TANGO2: variants seen among roughly 807,000 people sequenced by gnomAD.
TANGO2 encodes transport and Golgi organization protein 2 homolog.
Under a neutral mutation model 39.1 loss-of-function variants are expected in TANGO2, and 26 were observed. The ratio of observed to expected loss-of-function variants is 0.67; its 90% CI spans 0.49 to 0.92. The LOEUF (loss-of-function observed/expected upper bound fraction) is 0.92, where lower values mean the gene tolerates loss of function less well. Ranked by LOEUF, TANGO2 falls within the 40% of genes least tolerant of loss-of-function variation. The probability of loss-of-function intolerance (pLI) is 0.00; values close to 1 mark genes in which losing one functional copy is unlikely to be tolerated. For synonymous variants in TANGO2, 131 were observed against 144.5 expected, an observed-to-expected ratio of 0.91 and a Z score of 0.67; for missense variants, 326 against 360.1, an observed-to-expected ratio of 0.91 and a Z score of 0.77.
intron 5 of TANGO2, 109 bp from the exon 6 acceptor site, chr22:20,055,834 C>A: frequency 1.0e-6 from 1 of 989,022 alleles, no homozygotes; most frequent in South Asian, 1.4e-5. Context: ...CCGCAGCGGG[C>A]TACTGCGCAC....
chr22:20,037,487 C>T (rs181902882), intron 2 of TANGO2, among the ~76,000 whole-genome samples: 249 of 152,286 alleles, frequency 1.6e-3, no homozygotes, highest in Non-Finnish European at 2.7e-3. Flanking sequence ...TGCAACTGCT[C>T]GGGAAGTTTT....
intron 8 of TANGO2, among the ~76,000 whole-genome samples, chr22:20,064,265 A>T (rs982520385): frequency 2.0e-5 from 3 of 152,172 alleles, no homozygotes; most frequent in African/African-American, 7.2e-5. Context: ...GCCTTGGCTC[A>T]TGCTACACGG....
chr22:20,043,270 G>A, intron 2 of TANGO2, 85 bp from the exon 3 acceptor site: 1 of 1,002,450 alleles, frequency 1.0e-6, no homozygotes, highest in Non-Finnish European at 1.5e-6. Context: ...TGTTGCCACT[G>A]AGGCCAGTTT....
intron 6 of TANGO2, chr22:20,056,808 G>A: frequency 2.2e-6 from 1 of 456,636 alleles, no homozygotes; most frequent in Non-Finnish European, 4.4e-6. Context: ...GGGGACTGCT[G>A]GCTCACTCAC....
chr22:20,056,652 T>C, intron 6 of TANGO2: 1 of 456,658 alleles, frequency 2.2e-6, no homozygotes, highest in South Asian at 1.5e-5. Context: ...CTGGAGAGAA[T>C]GTGTCACATT....
At chr22:20,018,045 A>G (rs1470366229), upstream of TANGO2, among the ~76,000 whole-genome samples, 1 of 152,190 alleles carries the variant, frequency 6.6e-6, no homozygotes, top group African/African-American at 2.4e-5. Flanking sequence ...TTATCCACCC[A>G]TATTGGGAGT....
intron 1 of TANGO2, among the ~76,000 whole-genome samples, chr22:20,033,464 A>G (rs1317812233): frequency 6.6e-6 from 1 of 152,236 alleles, no homozygotes; most frequent in East Asian, 1.9e-4. Context: ...AACTGCCCTC[A>G]TCCATGGCCT....
chr22:20,049,088 G>A (rs1229472671), intron 3 of TANGO2, among the ~76,000 whole-genome samples: 1 of 152,070 alleles, frequency 6.6e-6, no homozygotes, highest in Non-Finnish European at 1.5e-5. Flanking sequence ...CCTAATTTTT[G>A]TTTTTATGTT....
chr22:20,036,943 AGGTGT>A, intron 2 of TANGO2, 89 bp downstream of exon 2: 1 of 1,613,764 alleles, frequency 6.2e-7, no homozygotes, highest in Non-Finnish European at 8.5e-7. Flanking sequence ...GTGTGCAGGA[AGGTGT>A]GTGGGCCAGG....
intron 3 of TANGO2, 53 bp downstream of exon 3, chr22:20,043,496 C>A (rs2044396132): frequency 5.4e-6 from 7 of 1,303,578 alleles, no homozygotes; most frequent in Non-Finnish European, 7.7e-6. Context: ...TTCCCTAGCC[C>A]CTGCGTGGCC....
chr22:20,052,587 A>C lies in TANGO2; in HGVS notation c.265+3A>C, dbSNP rs1242712767. ...GGACTGGCAGGCCCGAGGGCGAGGT[A>C]AGGCGAGTGGGGTGGGGCCAAGGTG... On this transcript the variant is annotated splice_donor_region_variant and intron_variant, in intron 4 of 8. Coordinates refer to ENST00000327374, the MANE Select transcript of TANGO2 (RefSeq NM_152906.7). 10 of 1,560,394 alleles carry C rather than the reference A, an allele frequency of 6.4e-6. No homozygotes were observed. The South Asian group carries it at 1.2e-4, about 18-fold the overall frequency.
At chr22:20,032,411 G>T (rs2042042628) in intron 1 of TANGO2, among the ~76,000 whole-genome samples, 1 of 152,276 alleles carries the variant, frequency 6.6e-6, no homozygotes, top group Non-Finnish European at 1.5e-5. Flanking sequence ...TCCTGCAGAT[G>T]TTCAGATGCT....
intron 1 of TANGO2, among the ~76,000 whole-genome samples, chr22:20,021,776 C>T (rs1368621918): frequency 6.6e-6 from 1 of 152,248 alleles, no homozygotes; most frequent in East Asian, 1.9e-4. Context: ...GCAGCCTGGG[C>T]TTTGCCCGTT....
At chr22:20,035,620 G>A (rs1226523563) in intron 1 of TANGO2, among the ~76,000 whole-genome samples, 2 of 152,204 alleles carry the variant, frequency 1.3e-5, no homozygotes, top group Admixed American at 6.5e-5. Context: ...TCCCCGGCAC[G>A]TGTCCATGCC....
intron 6 of TANGO2, chr22:20,056,593 T>A (rs532917175): frequency 5.3e-5 from 24 of 456,370 alleles, no homozygotes; most frequent in Non-Finnish European, 1.1e-4. Context: ...CCTTTCCCCC[T>A]CCTCGGGTGC....
At chr22:20,059,912 A>G (rs986028038) in intron 6 of TANGO2, among the ~76,000 whole-genome samples, 41 of 151,246 alleles carry the variant, frequency 2.7e-4, no homozygotes, top group African/African-American at 9.7e-4. Context: ...TTAGAGTTTT[A>G]TAGCTTTTGC....
chr22:20,064,216 C>T (rs914205285), intron 8 of TANGO2, among the ~76,000 whole-genome samples: 1 of 152,194 alleles, frequency 6.6e-6, no homozygotes, highest in African/African-American at 2.4e-5. Context: ...CCTGGGCCTC[C>T]AAAGGGGAAG....
upstream of TANGO2, among the ~76,000 whole-genome samples, chr22:20,019,804 G>C (rs1194113492): frequency 6.6e-6 from 1 of 152,226 alleles, no homozygotes; most frequent in Non-Finnish European, 1.5e-5. Flanking sequence ...GGAAATCACT[G>C]GTACCAGCCC....
rs66601369 is a variant in TANGO2, at chr22:20,030,150, C to CTT, written c.-39-6592_-39-6591dup. Among the ~76,000 whole-genome samples, 810 of 123,792 alleles carry CTT rather than the reference C, an allele frequency of 6.5e-3. 9 individuals are homozygous for CTT. The highest frequency in any genetic ancestry group is 0.019 in the African/African-American group (617 of 32,120). The allele number at this position is 123,792 out of a possible 152,430, so 81.2% of individuals were successfully genotyped here. On this transcript the variant is annotated intron_variant, in intron 1 of 8. Coordinates refer to ENST00000327374, the MANE Select transcript of TANGO2 (RefSeq NM_152906.7). ...GAGGGCATTCTCGTGTAAGCAGTTG[C>CTT]TTTTTTTTTTTTTTTTTTTAATTTT...
Sources: allele counts gnomAD v4.1 joint callset (sites outside exome capture counted in the v4.1 genomes callset), GRCh38; gene constraint gnomAD v4.1.1; transcripts MANE v1.5; gene names NCBI Gene and HGNC (gene_info 2026-07-23, HGNC 2026-07-21).